The following ELF2 variants were observed in gnomAD, a reference collection of about 807,000 sequenced individuals.
The protein encoded by ELF2 is E74 like ETS transcription factor 2.
A neutral mutation model predicts 54.8 loss-of-function variants in ELF2; 11 were observed. The ratio of observed to expected loss-of-function variants is 0.20; its 90% CI spans 0.13 to 0.33. The LOEUF (loss-of-function observed/expected upper bound fraction) is 0.33, where lower values mean the gene tolerates loss of function less well. Among genes scored for constraint, ELF2 ranks in the 10% least tolerant of loss-of-function variants. The pLI, the probability that ELF2 is intolerant of heterozygous loss-of-function variation, is 1.00. For missense variants in ELF2, 513 were observed against 703.0 expected, an observed-to-expected ratio of 0.73 and a Z score of 3.06; for synonymous variants, 203 against 245.1, an observed-to-expected ratio of 0.83 and a Z score of 1.61.
At chr4:139,133,894 A>G (rs1737822938) in intron 3 of ELF2, among the ~76,000 whole-genome samples, 2 of 152,172 alleles carry the variant, frequency 1.3e-5, no homozygotes, top group Non-Finnish European at 2.9e-5. Context: ...ATTAGTTCTA[A>G]TAGTGTGGAT....
chr4:139,062,464 T>C (rs890392186), intron 7 of ELF2, among the ~76,000 whole-genome samples: 1 of 152,152 alleles, frequency 6.6e-6, no homozygotes, highest in Non-Finnish European at 1.5e-5. Flanking sequence ...AGCCACTGTG[T>C]CCGGCCTGTT....
chr4:139,120,942 A>G (rs905864962), intron 4 of ELF2, among the ~76,000 whole-genome samples: 2 of 151,848 alleles, frequency 1.3e-5, no homozygotes. Context: ...CCTACCTCCT[A>G]TTTGTCCACC....
intron 2 of ELF2, 51 bp downstream of exon 2, chr4:139,139,362 A>C (rs1356947648): frequency 2.2e-6 from 2 of 928,678 alleles, no homozygotes; most frequent in East Asian, 6.7e-5. Flanking sequence ...ATCACCATAT[A>C]AGGTACTATT....
At chr4:139,170,369 A>C (rs1742174047) in intron 1 of ELF2, among the ~76,000 whole-genome samples, 1 of 139,300 alleles carries the variant, frequency 7.2e-6, no homozygotes, top group African/African-American at 2.7e-5. Flanking sequence ...GGTTCAAGCG[A>C]TTCTCTGTCT....
chr4:139,126,491 C>T (rs1339539416), intron 3 of ELF2, among the ~76,000 whole-genome samples: 2 of 151,836 alleles, frequency 1.3e-5, no homozygotes, highest in Non-Finnish European at 2.9e-5. Context: ...GTGTCTAGTA[C>T]AAAAAATTAA....
At chr4:139,080,294 C>T (rs1389123261) in intron 4 of ELF2, among the ~76,000 whole-genome samples, 1 of 152,096 alleles carries the variant, frequency 6.6e-6, no homozygotes, top group African/African-American at 2.4e-5. Flanking sequence ...TTCAAATGAG[C>T]TTTTTAAAAA....
intron 4 of ELF2, among the ~76,000 whole-genome samples, chr4:139,077,891 CAATG>C (rs1730545995): frequency 6.6e-6 from 1 of 152,076 alleles, no homozygotes. Flanking sequence ...AAAATAGAAA[CAATG>C]AAGCTAAAAG....
Position 139,151,040 on chromosome 4 carries a change from G to GA in ELF2, c.-251-11544dup, listed in dbSNP as rs1353592026. On this transcript the variant is annotated intron_variant, in intron 1 of 9. Coordinates refer to ENST00000686138, the MANE Select transcript of ELF2 (RefSeq NM_001331036.3). Reference sequence around the variant, plus strand: ...CTCCATCTCAAAAAAAAAAAAGAAAGAAAGAAAGAAAGAAAGAAAGAAAGA... The same window carrying GA: ...CTCCATCTCAAAAAAAAAAAAGAAAGAAAAGAAAGAAAGAAAGAAAGAAAGA... Among the ~76,000 whole-genome samples the GA allele has an allele frequency of 1.0e-3, 57 of 55,806 alleles. 3 individuals carry two copies. The highest frequency in any genetic ancestry group is 2.7e-3 in the African/African-American group (56 of 20,516). The allele number at this position is 55,806 out of a possible 152,430, so 36.6% of individuals were successfully genotyped here.
chr4:139,129,157 C>T (rs1737242674), intron 3 of ELF2, among the ~76,000 whole-genome samples: 1 of 151,820 alleles, frequency 6.6e-6, no homozygotes, highest in African/African-American at 2.4e-5. Flanking sequence ...AGGCTAGTCT[C>T]AAACTCCTGA....
chr4:139,069,446 A>G (rs1292788258), intron 6 of ELF2, among the ~76,000 whole-genome samples: 2 of 152,238 alleles, frequency 1.3e-5, no homozygotes. Flanking sequence ...ATACATATGA[A>G]TCAGACAGTA....
intron 4 of ELF2, among the ~76,000 whole-genome samples, chr4:139,074,263 G>A (rs1560773115): frequency 6.6e-6 from 1 of 152,220 alleles, no homozygotes. Flanking sequence ...GGAAGGGTCA[G>A]GGAGAGGCTG....
chr4:139,160,289 T>G (rs1740996373), intron 1 of ELF2, among the ~76,000 whole-genome samples: 1 of 152,174 alleles, frequency 6.6e-6, no homozygotes, highest in African/African-American at 2.4e-5. Flanking sequence ...AAGCAGACCT[T>G]TCTAAGAATA....
chr4:139,111,009 A>T (rs936942735), intron 4 of ELF2, among the ~76,000 whole-genome samples: 1 of 152,230 alleles, frequency 6.6e-6, no homozygotes, highest in African/African-American at 2.4e-5. Context: ...CATACTTATT[A>T]GTTGAATTTT....
At chr4:139,107,774 C>T (rs1457241347) in intron 4 of ELF2, among the ~76,000 whole-genome samples, 1 of 152,120 alleles carries the variant, frequency 6.6e-6, no homozygotes, top group Non-Finnish European at 1.5e-5. Flanking sequence ...TAATATGATA[C>T]ACATACCAAA....
rs536377145 is a variant in ELF2 at position 139,148,950 on chromosome 4, G to A, written c.-251-9453C>T. 3.8e-4 allele frequency among the ~76,000 whole-genome samples: 58 copies of A among 152,118 alleles called. No homozygotes were observed. In the South Asian group the frequency reaches 6.0e-3, roughly 16 times the overall value. Reference sequence around the variant, plus strand: ...ACTAATACATCATTTTGGTAGATGCGGTACAAATGTCTTCATAAAATTCAA... The same window carrying A: ...ACTAATACATCATTTTGGTAGATGCAGTACAAATGTCTTCATAAAATTCAA... On this transcript the variant is annotated intron_variant, in intron 1 of 9. Transcript: ENST00000686138.
intron 4 of ELF2, among the ~76,000 whole-genome samples, chr4:139,119,489 T>C (rs1472056221): frequency 6.6e-6 from 1 of 152,206 alleles, no homozygotes; most frequent in Non-Finnish European, 1.5e-5. Flanking sequence ...TCCAGCTAGC[T>C]GTGTCCTTTG....
intron 1 of ELF2, among the ~76,000 whole-genome samples, chr4:139,176,532 C>T (rs1742944880): frequency 6.6e-6 from 1 of 152,068 alleles, no homozygotes; most frequent in Non-Finnish European, 1.5e-5. Flanking sequence ...CCTCCGGAGC[C>T]GGACCCCCGC....
intron 4 of ELF2, chr4:139,084,408 TAACGGCAGGGGCAGG>T: frequency 7.3e-7 from 1 of 1,374,122 alleles, no homozygotes; most frequent in Non-Finnish European, 9.5e-7. Context: ...CCCCACCACC[TAACGGCAGGGGCAGG>T]GGCGGCAGGG....
chr4:139,154,741 CTCTGCTAA>C (rs11279099), intron 1 of ELF2, among the ~76,000 whole-genome samples: 62,735 of 151,542 alleles, frequency 0.41, 13,440 homozygotes, highest in Middle Eastern at 0.52. Flanking sequence ...TAAGTCATCC[CTCTGCTAA>C]CCTGACACCA....
Sources: allele counts gnomAD v4.1 joint callset (sites outside exome capture counted in the v4.1 genomes callset), GRCh38; gene constraint gnomAD v4.1.1; transcripts MANE v1.5; gene names NCBI Gene and HGNC (gene_info 2026-07-23, HGNC 2026-07-21).